Variants in ADD2 observed in about 807,000 individuals in gnomAD.
The protein encoded by ADD2 is adducin 2, also known as beta-adducin.
A neutral mutation model predicts 83.0 loss-of-function variants in ADD2; 23 were observed. The ratio of observed to expected loss-of-function variants is 0.28; its 90% CI spans 0.20 to 0.39. ADD2 has a LOEUF of 0.39. ADD2 is among the 10% of genes least tolerant of loss of function. ADD2 has a pLI of 1.00. For synonymous variants in ADD2, 375 were observed against 375.4 expected (o/e 1.00, Z 0.01); for missense variants, 758 against 944.9 (o/e 0.80, Z 2.59).
intron 13 of ADD2, chr2:70,675,574 C>CT (rs1670093958): frequency 7.1e-6 from 7 of 985,422 alleles, no homozygotes; most frequent in East Asian, 2.3e-4. Context: ...ACTCCACAGC[C>CT]TTTTTTCCTA....
intron 1 of ADD2, among the ~76,000 whole-genome samples, chr2:70,755,133 C>T (rs1323106495): frequency 6.6e-6 from 1 of 152,182 alleles, no homozygotes; most frequent in Non-Finnish European, 1.5e-5. Flanking sequence ...ACCCTCTACA[C>T]CTTTCAGATG....
chr2:70,695,623 G>T, intron 6 of ADD2, 98 bp downstream of exon 6: 1 of 1,091,064 alleles, frequency 9.2e-7, no homozygotes. Flanking sequence ...GCTCCACAGC[G>T]CAACAGTGAC....
chr2:70,760,263 A>G (rs1675013559), intron 1 of ADD2, among the ~76,000 whole-genome samples: 1 of 152,142 alleles, frequency 6.6e-6, no homozygotes, highest in Non-Finnish European at 1.5e-5. Flanking sequence ...GGTCCCAGCC[A>G]TGACACATGC....
chr2:70,703,416 G>A (rs1411924513), intron 4 of ADD2, among the ~76,000 whole-genome samples: 1 of 152,082 alleles, frequency 6.6e-6, no homozygotes, highest in African/African-American at 2.4e-5. Context: ...TAGAGGAAAT[G>A]GGCACTCTAC....
intron 1 of ADD2, among the ~76,000 whole-genome samples, chr2:70,763,783 T>G (rs1181288352): frequency 2.0e-5 from 3 of 151,962 alleles, no homozygotes; most frequent in Admixed American, 6.6e-5. Context: ...GGAGAGAGGT[T>G]GAATAACTTG....
In ADD2 at chr2:70,753,720, G is replaced by A. The variant is rs565942367; in HGVS notation, c.-154+14166C>T. Among the ~76,000 whole-genome samples the A allele has an allele frequency of 8.3e-4, 126 of 152,228 alleles. 1 individual carries two copies. The highest frequency in any genetic ancestry group is 1.4e-3 in the Non-Finnish European group (96 of 68,022). Reference sequence around the variant, plus strand: ...ATTTGGAGAAAAGAGGAGTGAATTCGTCATTCTGGAAAGTGATAAAGTAAA... The same window carrying A: ...ATTTGGAGAAAAGAGGAGTGAATTCATCATTCTGGAAAGTGATAAAGTAAA... On this transcript the variant is annotated intron_variant, in intron 1 of 15. Transcript: ENST00000264436.
At chr2:70,710,554 G>C (rs1187389364) in intron 2 of ADD2, among the ~76,000 whole-genome samples, 1 of 152,218 alleles carries the variant, frequency 6.6e-6, no homozygotes, top group East Asian at 1.9e-4. Flanking sequence ...CACAGCAGGG[G>C]CCTGAGCCAA....
At chr2:70,696,823 C>G (rs1186294578) in intron 4 of ADD2, among the ~76,000 whole-genome samples, 3 of 152,132 alleles carry the variant, frequency 2.0e-5, no homozygotes, top group African/African-American at 7.2e-5. Context: ...TTTAACGACA[C>G]CATGTAATCA....
At chr2:70,670,400 C>A (rs938207348) in intron 15 of ADD2, among the ~76,000 whole-genome samples, 4 of 152,212 alleles carry the variant, frequency 2.6e-5, no homozygotes, top group African/African-American at 9.7e-5. Context: ...CAGAGCTGAT[C>A]ATGTGATCAT....
chr2:70,680,706 G>A (rs782464585), intron 10 of ADD2, among the ~76,000 whole-genome samples: 6 of 152,064 alleles, frequency 3.9e-5, no homozygotes, highest in Non-Finnish European at 5.9e-5. Context: ...TTAAAAACAC[G>A]GATTATGCTT....
intron 1 of ADD2, among the ~76,000 whole-genome samples, chr2:70,735,683 C>G (rs1291161141): frequency 4.6e-5 from 7 of 151,650 alleles, no homozygotes; most frequent in African/African-American, 1.7e-4. Context: ...CCTCTCCTTC[C>G]AAGCCCAGTC....
intron 4 of ADD2, among the ~76,000 whole-genome samples, chr2:70,697,554 T>A (rs1671372728): frequency 6.6e-6 from 1 of 152,190 alleles, no homozygotes; most frequent in Non-Finnish European, 1.5e-5. Context: ...AGGTTCTGGC[T>A]TAAAATGGTG....
In ADD2 at chr2:70,657,660, G is replaced by C. The variant is rs1477948216; in HGVS notation, c.*5765C>G. 6.6e-6 allele frequency: 1 copy of C among 152,206 alleles called. No individual in the cohort carries two copies. Among genetic ancestry groups the C allele is most frequent in the African/African-American group, 2.4e-5 (1 of 41,446 alleles). The allele number at this position is 152,206 out of a possible 1,614,324, so 9.4% of individuals were successfully genotyped here. A position where few individuals can be genotyped will look rare whatever the true frequency, so the allele number is the denominator to read the frequency against. Reference sequence around the variant, plus strand: ...CCTCCTTCTGATTCACGTTAAAAGGGGAGATCTGGCCTTTGGGTTTTTAAA... The same window carrying C: ...CCTCCTTCTGATTCACGTTAAAAGGCGAGATCTGGCCTTTGGGTTTTTAAA... On this transcript the variant is annotated 3_prime_UTR_variant, in exon 16 of 16. Transcript: ENST00000264436.
At chr2:70,752,432 C>T (rs781857658) in intron 1 of ADD2, among the ~76,000 whole-genome samples, 1 of 152,080 alleles carries the variant, frequency 6.6e-6, no homozygotes, top group Non-Finnish European at 1.5e-5. Flanking sequence ...ACTTTAAATA[C>T]TTATAAATAT....
intron 1 of ADD2, among the ~76,000 whole-genome samples, chr2:70,738,132 A>G (rs990624402): frequency 2.6e-5 from 4 of 152,222 alleles, no homozygotes; most frequent in East Asian, 3.8e-4. Context: ...CTTGGGAGAC[A>G]TATCTATAAA....
intron 10 of ADD2, among the ~76,000 whole-genome samples, chr2:70,682,609 C>G: frequency 6.6e-6 from 1 of 152,214 alleles, no homozygotes; most frequent in African/African-American, 2.4e-5. Context: ...TCATCTTTCA[C>G]TTCTCTGAGC....
chr2:70,679,005 G>T, intron 10 of ADD2, 44 bp from the exon 11 acceptor site: 2 of 1,550,036 alleles, frequency 1.3e-6, no homozygotes, highest in South Asian at 2.5e-5. Context: ...TGAGAAAAAA[G>T]GCCTGTACCT....
Position 70,663,156 on chromosome 2 carries a change from T to C in ADD2, c.*269A>G, listed in dbSNP as rs568020931. 1.8e-5 allele frequency: 8 copies of C among 439,070 alleles called. No homozygotes were observed. Among genetic ancestry groups the C allele is most frequent in the Admixed American group, 3.9e-5 (1 of 25,898 alleles). 27.2% of individuals were successfully genotyped at this position (439,070 alleles called of 1,614,324 possible). A position where few individuals can be genotyped will look rare whatever the true frequency, so the allele number is the denominator to read the frequency against. ...CCCACAACTAGGCAGTGTTGTGTAGTAGAAGGAGCACTGGACTGGAAGTCA... is the reference window on the plus strand; with the variant it reads ...CCCACAACTAGGCAGTGTTGTGTAGCAGAAGGAGCACTGGACTGGAAGTCA... On this transcript the variant is annotated 3_prime_UTR_variant, in exon 16 of 16. Transcript: ENST00000264436.
chr2:70,705,288 C>T (rs1205286511), intron 3 of ADD2, among the ~76,000 whole-genome samples: 4 of 152,178 alleles, frequency 2.6e-5, no homozygotes, highest in East Asian at 1.9e-4. Flanking sequence ...TATTGGACCT[C>T]GGCCCATTCC....
Sources: gnomAD v4.1 joint callset for allele counts (sites outside exome capture counted in the v4.1 genomes callset) on GRCh38, gnomAD v4.1.1 for gene constraint, MANE v1.5 for transcripts, NCBI Gene and HGNC (gene_info 2026-07-23, HGNC 2026-07-21) for gene names.